The following KIAA1671 variants were observed in gnomAD, a reference collection of about 807,000 sequenced individuals.
KIAA1671 encodes the protein KIAA1671, also known as uncharacterized protein KIAA1671.
Under a neutral mutation model 131.2 loss-of-function variants are expected in KIAA1671, and 52 were observed. That is an observed-to-expected ratio of 0.40 (90% confidence interval 0.32 to 0.50). KIAA1671 has a LOEUF of 0.50. KIAA1671 is among the 20% of genes least tolerant of loss of function. KIAA1671 has a pLI of 0.73. For synonymous variants in KIAA1671, 1,003 were observed against 961.6 expected, an observed-to-expected ratio of 1.04 and a Z score of -0.80; for missense variants, 2,360 against 2,364.2, an observed-to-expected ratio of 1.00 and a Z score of 0.04.
intron 1 of KIAA1671, among the ~76,000 whole-genome samples, chr22:25,009,116 G>A (rs1006300817): frequency 3.3e-5 from 5 of 152,146 alleles, no homozygotes; most frequent in African/African-American, 1.2e-4. Context: ...GTGCAGTGCT[G>A]TGGACAGAGA....
Position 25,039,335 on chromosome 22 carries a change from T to C in KIAA1671, c.2205T>C (p.Ile735=), listed in dbSNP as rs1424411164. The C allele has an allele frequency of 2.0e-5, 31 of 1,551,872 alleles. No homozygotes were observed. Among genetic ancestry groups the C allele is most frequent in the Admixed American group, 5.9e-5 (3 of 50,988 alleles). The change falls in exon 5 of 13, where the codon ATT becomes ATC. Residue 735 remains isoleucine (I), a synonymous_variant. Coordinates refer to ENST00000358431, the MANE Select transcript of KIAA1671 (RefSeq NM_001145206.2). ...TSQRIEPRYD[I]VHAVGERVHS... ...AGAGAATTGAGCCCAGATATGACATTGTGCATGCAGTGGGAGAGCGTGTGC... is the reference window on the plus strand; with the variant it reads ...AGAGAATTGAGCCCAGATATGACATCGTGCATGCAGTGGGAGAGCGTGTGC...
At chr22:25,034,136 C>G (rs1481662306) in intron 4 of KIAA1671, among the ~76,000 whole-genome samples, 1 of 151,388 alleles carries the variant, frequency 6.6e-6, no homozygotes, top group African/African-American at 2.4e-5. Context: ...ACATCCACCT[C>G]CCAGGTTCAA....
chr22:25,096,219 A>T (rs1930382342), intron 6 of KIAA1671, among the ~76,000 whole-genome samples: 1 of 152,034 alleles, frequency 6.6e-6, no homozygotes, highest in Non-Finnish European at 1.5e-5. Flanking sequence ...GCATCTCAGA[A>T]CTCCAAAAAG....
At chr22:25,074,915 C>T (rs901598658) in intron 6 of KIAA1671, among the ~76,000 whole-genome samples, 1 of 149,566 alleles carries the variant, frequency 6.7e-6, no homozygotes, top group African/African-American at 2.5e-5. Context: ...ATTGGTGGAT[C>T]TATTCTCAGT....
intron 3 of KIAA1671, among the ~76,000 whole-genome samples, chr22:25,031,417 C>T (rs1022027258): frequency 7.9e-5 from 12 of 152,154 alleles, no homozygotes; most frequent in East Asian, 7.7e-4. Flanking sequence ...AGGATGGTCT[C>T]GATCTCCTGA....
chr22:25,069,007 G>A (rs1928660920), intron 6 of KIAA1671, among the ~76,000 whole-genome samples: 1 of 143,124 alleles, frequency 7.0e-6, no homozygotes, highest in African/African-American at 2.9e-5. Flanking sequence ...TCACTTGCCG[G>A]AGTCTCTGGG....
intron 6 of KIAA1671, among the ~76,000 whole-genome samples, chr22:25,068,712 A>C (rs954294670): frequency 6.6e-6 from 1 of 152,126 alleles, no homozygotes; most frequent in Non-Finnish European, 1.5e-5. Context: ...CTGGGATTAC[A>C]GGCGTGAGCC....
chr22:25,171,836 G>C lies in KIAA1671; in HGVS notation c.4649+898G>C, dbSNP rs536388199. Among the ~76,000 whole-genome samples, 179 of 152,268 alleles carry C rather than the reference G, an allele frequency of 1.2e-3. 3 individuals carry two copies. The South Asian group carries it at 0.031, about 26-fold the overall frequency. Reference sequence around the variant, plus strand: ...AGAGGGAATGGGGAGTGGCTGCTTCGTGGGTATCTGGTTTCCTTTTGGGGT... The same window carrying C: ...AGAGGGAATGGGGAGTGGCTGCTTCCTGGGTATCTGGTTTCCTTTTGGGGT... On this transcript the variant is annotated intron_variant, in intron 7 of 12. Transcript: ENST00000358431.
intron 6 of KIAA1671, among the ~76,000 whole-genome samples, chr22:25,081,439 A>G (rs1929400337): frequency 1.3e-5 from 2 of 152,166 alleles, no homozygotes; most frequent in Non-Finnish European, 2.9e-5. Flanking sequence ...TAAGCATTTC[A>G]TTGTGGAGAC....
intron 2 of KIAA1671, 127 bp downstream of exon 2, chr22:25,025,911 T>C (rs1925923429): frequency 6.6e-6 from 1 of 152,302 alleles, no homozygotes; most frequent in African/African-American, 2.4e-5. Flanking sequence ...CTGTGTCTCA[T>C]GTCCTGGCTA....
intron 6 of KIAA1671, among the ~76,000 whole-genome samples, chr22:25,122,040 G>C (rs1441106238): frequency 6.6e-6 from 1 of 152,118 alleles, no homozygotes; most frequent in Non-Finnish European, 1.5e-5. Flanking sequence ...GCTTTGGGTA[G>C]TTTTCCTACT....
At chr22:25,008,505 A>G (rs1300610824) in intron 1 of KIAA1671, among the ~76,000 whole-genome samples, 1 of 152,192 alleles carries the variant, frequency 6.6e-6, no homozygotes, top group Non-Finnish European at 1.5e-5. Flanking sequence ...GTAGCACTTA[A>G]TAACACAGCC....
chr22:24,974,361 G>A (rs371927309), intron 1 of KIAA1671, among the ~76,000 whole-genome samples: 2 of 152,132 alleles, frequency 1.3e-5, no homozygotes, highest in African/African-American at 4.8e-5. Context: ...CAGGTACTGT[G>A]TTAGGTCCTT....
At chr22:25,157,107 A>G (rs534546904) in intron 6 of KIAA1671, among the ~76,000 whole-genome samples, 2 of 152,368 alleles carry the variant, frequency 1.3e-5, no homozygotes, top group South Asian at 4.1e-4. Context: ...AGCAGATTCC[A>G]TTAAAAGGAG....
intron 1 of KIAA1671, among the ~76,000 whole-genome samples, chr22:24,956,985 TC>T (rs1026548574): frequency 3.1e-4 from 47 of 152,160 alleles, no homozygotes; most frequent in African/African-American, 1.1e-3. Flanking sequence ...GTTTTGAGAC[TC>T]GACTTCCCTA....
intron 1 of KIAA1671, among the ~76,000 whole-genome samples, chr22:24,981,746 A>C (rs1441008045): frequency 6.6e-6 from 1 of 152,198 alleles, no homozygotes; most frequent in African/African-American, 2.4e-5. Context: ...CATCTCTACA[A>C]AAAATAGAAA....
At chr22:25,014,033 G>C (rs984532548) in intron 1 of KIAA1671, 8 of 152,280 alleles carry the variant, frequency 5.3e-5, no homozygotes, top group African/African-American at 1.9e-4. Flanking sequence ...GAAGAAACGT[G>C]CACCCTTGGA....
intron 6 of KIAA1671, among the ~76,000 whole-genome samples, chr22:25,149,335 G>C (rs572088566): frequency 3.3e-5 from 5 of 152,190 alleles, no homozygotes; most frequent in African/African-American, 7.2e-5. Flanking sequence ...TGCATCTGAC[G>C]TCCTGGCCCC....
chr22:25,183,771 C>T (rs1422514654), intron 10 of KIAA1671, among the ~76,000 whole-genome samples: 3 of 151,762 alleles, frequency 2.0e-5, no homozygotes, highest in Non-Finnish European at 2.9e-5. Context: ...ATCCGCCTGC[C>T]TCGGCCTCCC....
Sources: allele counts gnomAD v4.1 joint callset (sites outside exome capture counted in the v4.1 genomes callset), GRCh38; gene constraint gnomAD v4.1.1; transcripts MANE v1.5; gene names NCBI Gene and HGNC (gene_info 2026-07-23, HGNC 2026-07-21).